Variants in REDIC1 observed in about 807,000 individuals in gnomAD.
REDIC1 encodes HEI10 Interacting Protein 1.
chr12:39,699,161 G>A, the REDIC1 span, among the ~76,000 whole-genome samples: 1 of 152,200 alleles, frequency 6.6e-6, no homozygotes, highest in African/African-American at 2.4e-5. Flanking sequence ...CAGAAGACGG[G>A]TGATTTCTGC....
the REDIC1 span, among the ~76,000 whole-genome samples, chr12:39,708,454 C>T: frequency 2.0e-5 from 3 of 151,654 alleles, no homozygotes; most frequent in South Asian, 6.2e-4. Context: ...TTAAATTGAT[C>T]AATTTTTTCT....
chr12:39,907,719 G>A, the REDIC1 span: 2 of 151,050 alleles, frequency 1.3e-5, no homozygotes, highest in Non-Finnish European at 1.5e-5. Context: ...TCTGACCTGT[G>A]AAACAGGAAG....
chr12:39,703,657 TC>T, the REDIC1 span, among the ~76,000 whole-genome samples: 1 of 152,154 alleles, frequency 6.6e-6, no homozygotes, highest in Non-Finnish European at 1.5e-5. Context: ...GCTGGAGGAA[TC>T]ACACTACCTG....
chr12:39,663,503 A>G, the REDIC1 span, among the ~76,000 whole-genome samples: 1 of 152,020 alleles, frequency 6.6e-6, no homozygotes, highest in Non-Finnish European at 1.5e-5. Context: ...TGTGGGTAGC[A>G]TATAGTTGTG....
chr12:39,656,277 A>C, the REDIC1 span, among the ~76,000 whole-genome samples: 1 of 152,208 alleles, frequency 6.6e-6, no homozygotes, highest in Admixed American at 6.5e-5. Flanking sequence ...TATGTGCTGC[A>C]TAACAATGTT....
At chr12:39,734,567 A>G in the REDIC1 span, among the ~76,000 whole-genome samples, 119 of 152,302 alleles carry the variant, frequency 7.8e-4, no homozygotes, top group African/African-American at 2.8e-3. Context: ...TGTATATAAT[A>G]TAGGGTTATT....
the REDIC1 span, among the ~76,000 whole-genome samples, chr12:39,677,025 A>G: frequency 3.0e-5 from 2 of 66,526 alleles, no homozygotes; most frequent in Non-Finnish European, 4.3e-5. Flanking sequence ...CAATAACACA[A>G]TGAAAAAAAA....
At chr12:39,722,683 A>C in the REDIC1 span, among the ~76,000 whole-genome samples, 1 of 152,168 alleles carries the variant, frequency 6.6e-6, no homozygotes, top group Non-Finnish European at 1.5e-5. Context: ...GTTTTTATCA[A>C]TATCATAATG....
the REDIC1 span, among the ~76,000 whole-genome samples, chr12:39,666,708 G>T: frequency 1.3e-5 from 2 of 152,034 alleles, no homozygotes; most frequent in East Asian, 3.9e-4. Context: ...GACTTGTTTT[G>T]GTTGGTAAGC....
chr12:39,683,047 A>G, the REDIC1 span: 10 of 1,613,346 alleles, frequency 6.2e-6, no homozygotes, highest in Non-Finnish European at 8.5e-6. Flanking sequence ...TCAGCCAAAC[A>G]AGAAGTATCA....
chr12:39,683,667 G>A, the REDIC1 span, among the ~76,000 whole-genome samples: 2 of 151,328 alleles, frequency 1.3e-5, no homozygotes, highest in African/African-American at 4.9e-5. Flanking sequence ...AGAGTGTGGT[G>A]CTCATATTTG....
the REDIC1 span, chr12:39,721,983 G>A: frequency 6.6e-6 from 1 of 151,902 alleles, no homozygotes. Flanking sequence ...TATAGGCTTT[G>A]TTTCTAAGAC....
At chr12:39,789,966 ATAATTT>A in the REDIC1 span, among the ~76,000 whole-genome samples, 3 of 152,152 alleles carry the variant, frequency 2.0e-5, no homozygotes, top group Admixed American at 2.0e-4. Flanking sequence ...AGCCACAAAT[ATAATTT>A]TAAATTTTCT....
At chr12:39,897,566 G>A in the REDIC1 span, among the ~76,000 whole-genome samples, 1 of 152,138 alleles carries the variant, frequency 6.6e-6, no homozygotes, top group East Asian at 1.9e-4. Context: ...TTTTTTATCT[G>A]CTCTGTCCAA....
chr12:39,665,425 G>A, the REDIC1 span, among the ~76,000 whole-genome samples: 1 of 151,804 alleles, frequency 6.6e-6, no homozygotes, highest in Non-Finnish European at 1.5e-5. Context: ...CTGTTCCATT[G>A]TTCTATATCT....
the REDIC1 span, among the ~76,000 whole-genome samples, chr12:39,899,089 C>T: frequency 3.3e-5 from 5 of 151,918 alleles, no homozygotes; most frequent in Admixed American, 6.6e-5. Context: ...TGGTAGAATT[C>T]GGCTGTGAAT....
the REDIC1 span, among the ~76,000 whole-genome samples, chr12:39,809,148 T>A: frequency 6.6e-6 from 1 of 152,202 alleles, no homozygotes; most frequent in Non-Finnish European, 1.5e-5. Flanking sequence ...GCCAACTGTA[T>A]TAGGACCATT....
At chr12:39,681,207 G>T in the REDIC1 span, among the ~76,000 whole-genome samples, 1 of 152,130 alleles carries the variant, frequency 6.6e-6, no homozygotes, top group Non-Finnish European at 1.5e-5. Flanking sequence ...AGGAAGCAGA[G>T]GTTGCAGTGG....
the REDIC1 span, among the ~76,000 whole-genome samples, chr12:39,711,698 TGTGTATACACATGC>T: frequency 6.8e-5 from 2 of 29,626 alleles, no homozygotes; most frequent in Admixed American, 6.7e-4. Context: ...TGTATGTGTA[TGTGTATACACATGC>T]ATGTGTATGC....
Sources: allele counts gnomAD v4.1 joint callset (sites outside exome capture counted in the v4.1 genomes callset), GRCh38; gene constraint gnomAD v4.1.1; transcripts MANE v1.5; gene names NCBI Gene and HGNC (gene_info 2026-07-23, HGNC 2026-07-21).